The following LAMA2 variants were observed in gnomAD, a reference collection of about 807,000 sequenced individuals.
The protein encoded by LAMA2 is laminin subunit alpha-2.
In LAMA2, 269 loss-of-function variants were observed where a neutral mutation model predicts 364.8. That is an observed-to-expected ratio of 0.74 (90% confidence interval 0.67 to 0.82). The LOEUF is 0.82. Ranked by LOEUF, LAMA2 falls within the 40% of genes least tolerant of loss-of-function variation. The pLI is 0.00. For missense variants in LAMA2, 3,807 were observed against 3,873.2 expected (o/e 0.98, Z 0.45); for synonymous variants, 1,379 against 1,370.6 (o/e 1.01, Z -0.14).
At position 129,297,760 on chromosome 6, in the gene LAMA2, G is replaced by A. The variant is rs202050052; in HGVS notation, c.2932G>A (p.Asp978Asn). ...CAATTCTTTTGGGTCTAAGTCATTCGACTGTGAAGAGAGTGGACAATGTTG... is the reference window on the plus strand; with the variant it reads ...CAATTCTTTTGGGTCTAAGTCATTCAACTGTGAAGAGAGTGGACAATGTTG... ...NCNSFGSKSF[D>N]CEESGQCWCQ... Residue 978 changes from aspartate (D) to asparagine (N), a missense_variant, in exon 21 of 65, where the codon GAC (aspartate) becomes AAC (asparagine). Physicochemically the swap from Asp to Asn is conservative, Grantham distance 23 (BLOSUM62 1). Around this residue, in one of 3 missense-constraint regions of LAMA2, gnomAD observed 3,333 missense variants for 3,345.7 expected, o/e 1.00. Coordinates refer to ENST00000421865, the MANE Select transcript of LAMA2 (RefSeq NM_000426.4). 1.6e-4 allele frequency: 262 copies of A among 1,614,078 alleles called. No homozygotes were observed. Among genetic ancestry groups the A allele is most frequent in the Middle Eastern group, 3.3e-4 (2 of 6,060 alleles).
At position 129,283,970 on chromosome 6, in the gene LAMA2, C is replaced by G. The variant is rs74750184; in HGVS notation, c.2537+3823C>G. Reference sequence around the variant, plus strand: ...CTCATATGTGGTTGTGCAGTTTGTACACTGCACAAAGGCACTCAGGGAAGG... The same window carrying G: ...CTCATATGTGGTTGTGCAGTTTGTAGACTGCACAAAGGCACTCAGGGAAGG... On this transcript the variant is annotated intron_variant, in intron 18 of 64. Transcript: ENST00000421865. Among the ~76,000 whole-genome samples, 616 of 152,178 alleles carry G rather than the reference C, an allele frequency of 4.0e-3. 7 individuals carry two copies. The highest frequency in any genetic ancestry group is 0.014 in the African/African-American group (600 of 41,530).
At chr6:129,008,215 C>T (rs1012356938) in intron 1 of LAMA2, among the ~76,000 whole-genome samples, 1 of 152,046 alleles carries the variant, frequency 6.6e-6, no homozygotes, top group African/African-American at 2.4e-5. Flanking sequence ...CCAAACCTTG[C>T]AGAAACTCTG....
At chr6:129,421,790 G>T (rs2114730331) in intron 40 of LAMA2, among the ~76,000 whole-genome samples, 1 of 152,132 alleles carries the variant, frequency 6.6e-6, no homozygotes, top group South Asian at 2.1e-4. Context: ...AAACATTGAG[G>T]CATGTCTTTT....
intron 1 of LAMA2, among the ~76,000 whole-genome samples, chr6:129,037,857 GA>G (rs1213656537): frequency 6.6e-6 from 1 of 151,938 alleles, no homozygotes; most frequent in Non-Finnish European, 1.5e-5. Context: ...TTTTAGTAGA[GA>G]CAGGGTTTCA....
At chr6:129,265,737 G>T (rs1416541080) in intron 15 of LAMA2, among the ~76,000 whole-genome samples, 1 of 151,914 alleles carries the variant, frequency 6.6e-6, no homozygotes, top group Non-Finnish European at 1.5e-5. Context: ...CTAGGGGAAG[G>T]ATAGCATTAG....
intron 15 of LAMA2, among the ~76,000 whole-genome samples, chr6:129,263,016 A>G (rs963636452): frequency 1.3e-5 from 2 of 152,138 alleles, no homozygotes; most frequent in Non-Finnish European, 2.9e-5. Flanking sequence ...TTACTTTCAT[A>G]GTGCTGTCAT....
At chr6:129,087,418 C>T (rs879437212) in intron 3 of LAMA2, among the ~76,000 whole-genome samples, 2 of 152,120 alleles carry the variant, frequency 1.3e-5, no homozygotes, top group South Asian at 2.1e-4. Context: ...AGCAGGGGCG[C>T]ACATACAGGG....
chr6:129,506,340 G>A (rs189306883), intron 61 of LAMA2, among the ~76,000 whole-genome samples: 40 of 152,026 alleles, frequency 2.6e-4, no homozygotes, highest in South Asian at 1.9e-3. Flanking sequence ...GCAACAGAGC[G>A]AGACCCTGTC....
At chr6:129,362,933 C>G (rs1385541514) in intron 32 of LAMA2, among the ~76,000 whole-genome samples, 1 of 152,314 alleles carries the variant, frequency 6.6e-6, no homozygotes. Flanking sequence ...CTTCCAAATC[C>G]TTGCTCCCTT....
intron 3 of LAMA2, among the ~76,000 whole-genome samples, chr6:129,078,840 G>A (rs1425846652): frequency 6.6e-6 from 1 of 152,052 alleles, no homozygotes; most frequent in African/African-American, 2.4e-5. Flanking sequence ...TCTACCTTCT[G>A]TCTCTATAAA....
At position 129,313,049 on chromosome 6, in the gene LAMA2, G is replaced by T. The variant is rs770971338; in HGVS notation, c.3363G>T (p.Glu1121Asp). Residue 1121 changes from glutamate (E) to aspartate (D), a missense_variant, in exon 23 of 65, where the codon GAG becomes GAT. By Grantham distance (45) the Glu-to-Asp change is conservative. Around this residue, in one of 3 missense-constraint regions of LAMA2, gnomAD observed 3,333 missense variants for 3,345.7 expected, o/e 1.00. Transcript: ENST00000421865. ...PGTDATTCDS[E>D]TKKCSCSDQT... Reference sequence around the variant, plus strand: ...CAGATGCCACAACCTGTGATTCAGAGACTAAAAAATGCTCCTGTAGTGATC... The same window carrying T: ...CAGATGCCACAACCTGTGATTCAGATACTAAAAAATGCTCCTGTAGTGATC... 1.9e-5 allele frequency: 30 copies of T among 1,613,914 alleles called. No homozygotes were observed. The highest frequency in any genetic ancestry group is 1.1e-4 in the African/African-American group (8 of 74,932).
chr6:128,935,985 C>T (rs1779787704), intron 1 of LAMA2, among the ~76,000 whole-genome samples: 1 of 152,136 alleles, frequency 6.6e-6, no homozygotes, highest in Non-Finnish European at 1.5e-5. Flanking sequence ...TTCCCCGATG[C>T]TTTTCTTGTG....
At chr6:129,454,810 A>G (rs1222716094) in intron 47 of LAMA2, among the ~76,000 whole-genome samples, 1 of 152,142 alleles carries the variant, frequency 6.6e-6, no homozygotes, top group Non-Finnish European at 1.5e-5. Flanking sequence ...GCAATTATCA[A>G]CATCTAGTAC....
At chr6:129,007,049 A>C (rs1384084710) in intron 1 of LAMA2, among the ~76,000 whole-genome samples, 4 of 152,102 alleles carry the variant, frequency 2.6e-5, no homozygotes, top group African/African-American at 9.7e-5. Flanking sequence ...TACATTATTT[A>C]TCATACAGTG....
chr6:129,245,969 C>T (rs1255779243), intron 12 of LAMA2, among the ~76,000 whole-genome samples: 1 of 152,108 alleles, frequency 6.6e-6, no homozygotes, highest in African/African-American at 2.4e-5. Context: ...TTTCATAGTG[C>T]CTCCTTGACC....
Position 129,393,091 on chromosome 6 carries a change from T to C in LAMA2, c.5281T>C (p.Ser1761Pro). ...LKKVKKLFGE[S>P]RGENEEMEKD... ...AAAAGTGAAGAAGCTGTTTGGAGAG[T>C]CCCGGGGGGAAAATGAAGAAATGGA... The change falls in exon 37 of 65, where the codon TCC (serine) becomes CCC (proline). Residue 1761 changes from serine to proline, a missense_variant. By Grantham distance (74) the Ser-to-Pro change is moderately conservative. Coordinates refer to ENST00000421865, the MANE Select transcript of LAMA2 (RefSeq NM_000426.4). 1 of 1,613,258 alleles carries C rather than the reference T, an allele frequency of 6.2e-7. No homozygotes were observed. The highest frequency in any genetic ancestry group is 8.5e-7 in the Non-Finnish European group (1 of 1,179,814).
At chr6:128,974,493 AAGGAGTAT>A (rs1047334962) in intron 1 of LAMA2, among the ~76,000 whole-genome samples, 2 of 152,198 alleles carry the variant, frequency 1.3e-5, no homozygotes, top group Non-Finnish European at 2.9e-5. Flanking sequence ...TAAAGGTTTT[AAGGAGTAT>A]ATAATAAGGA....
Position 129,473,232 on chromosome 6 carries a change from A to T in LAMA2, c.7319A>T (p.Asp2440Val). 4.4e-6 allele frequency: 7 copies of T among 1,600,518 alleles called. No individual in the cohort carries two copies. Among genetic ancestry groups the T allele is most frequent in the Non-Finnish European group, 6.0e-6 (7 of 1,168,338 alleles). ...TTTACAGCCAATATATCAATTGTAG[A>T]TATAGATACTAATCAGGAGGAGAAT... ...IQKQANISIV[D>V]IDTNQEENIA... The change falls in exon 52 of 65, where the codon GAT becomes GTT. Residue 2440 changes from aspartate to valine, a missense_variant. Asp to Val is a radical substitution (Grantham distance 152). Around this residue, in one of 3 missense-constraint regions of LAMA2, gnomAD observed 3,333 missense variants for 3,345.7 expected, o/e 1.00. Coordinates refer to ENST00000421865, the MANE Select transcript of LAMA2 (RefSeq NM_000426.4).
At chr6:128,962,036 C>A (rs888188603) in intron 1 of LAMA2, among the ~76,000 whole-genome samples, 1 of 146,840 alleles carries the variant, frequency 6.8e-6, no homozygotes, top group South Asian at 2.1e-4. Flanking sequence ...CACATCCTAT[C>A]CCCAGCTTCC....
Sources: gnomAD v4.1 joint callset for allele counts (sites outside exome capture counted in the v4.1 genomes callset) on GRCh38, gnomAD v4.1.1 for gene constraint, gnomAD v4.1.1 regional missense constraint, MANE v1.5 for transcripts, NCBI Gene and HGNC (gene_info 2026-07-23, HGNC 2026-07-21) for gene names.